ENTREP2: variants seen among roughly 807,000 people sequenced by gnomAD.
ENTREP2 encodes endosomal transmembrane epsin interactor 2.
chr15:29,521,234 A>G, the ENTREP2 span, among the ~76,000 whole-genome samples: 1 of 152,218 alleles, frequency 6.6e-6, no homozygotes. Context: ...CCTGATGTAC[A>G]GAGTTAGTGT....
chr15:29,516,648 A>C, the ENTREP2 span, among the ~76,000 whole-genome samples: 1 of 152,132 alleles, frequency 6.6e-6, no homozygotes, highest in African/African-American at 2.4e-5. Flanking sequence ...CCATGCAGCA[A>C]TTTATTTCAC....
chr15:29,584,540 A>G, the ENTREP2 span, among the ~76,000 whole-genome samples: 2 of 152,228 alleles, frequency 1.3e-5, no homozygotes, highest in African/African-American at 2.4e-5. Flanking sequence ...CACAGAAGAC[A>G]TTATGCTAAA....
chr15:29,259,364 T>C, the ENTREP2 span, among the ~76,000 whole-genome samples: 1 of 152,314 alleles, frequency 6.6e-6, no homozygotes, highest in South Asian at 2.1e-4. Flanking sequence ...TTGAACAAAA[T>C]ATTAACATAG....
At chr15:29,381,817 T>A in the ENTREP2 span, 120 of 1,551,130 alleles carry the variant, frequency 7.7e-5, no homozygotes, top group Non-Finnish European at 8.6e-5. Context: ...CACCTATGAG[T>A]CCCGACAGCA....
the ENTREP2 span, among the ~76,000 whole-genome samples, chr15:29,354,561 G>T: frequency 2.0e-5 from 3 of 152,174 alleles, no homozygotes; most frequent in Admixed American, 2.0e-4. Context: ...TCGGGGGTGG[G>T]AGAGGGCCTG....
chr15:29,490,415 G>A, the ENTREP2 span, among the ~76,000 whole-genome samples: 2 of 152,202 alleles, frequency 1.3e-5, no homozygotes, highest in Admixed American at 6.5e-5. Flanking sequence ...ACAGTTTGCG[G>A]CTGCTGGCTC....
chr15:29,269,475 C>T, the ENTREP2 span: 1 of 1,611,960 alleles, frequency 6.2e-7, no homozygotes, highest in African/African-American at 1.3e-5. Flanking sequence ...TCCTGGGCCC[C>T]ACGGCGGGGG....
At chr15:29,176,753 G>A in the ENTREP2 span, among the ~76,000 whole-genome samples, 7 of 152,166 alleles carry the variant, frequency 4.6e-5, no homozygotes, top group Non-Finnish European at 8.8e-5. Context: ...CCTCCAGGTC[G>A]CCAGGCTTTG....
chr15:29,199,367 T>C, the ENTREP2 span, among the ~76,000 whole-genome samples: 10 of 152,188 alleles, frequency 6.6e-5, no homozygotes, highest in East Asian at 1.7e-3. Context: ...AGAAAAGAGA[T>C]AGAGGAAGTT....
At chr15:29,257,314 C>A in the ENTREP2 span, among the ~76,000 whole-genome samples, 1 of 152,106 alleles carries the variant, frequency 6.6e-6, no homozygotes, top group Non-Finnish European at 1.5e-5. Context: ...CTCAGGTGGT[C>A]CACCCGCCTC....
the ENTREP2 span, among the ~76,000 whole-genome samples, chr15:29,228,940 T>C: frequency 6.6e-6 from 1 of 152,302 alleles, no homozygotes; most frequent in African/African-American, 2.4e-5. Context: ...GACAGTTTAA[T>C]TGGTGAATCT....
chr15:29,538,239 C>T, the ENTREP2 span, among the ~76,000 whole-genome samples: 9 of 152,020 alleles, frequency 5.9e-5, no homozygotes, highest in Admixed American at 4.6e-4. Context: ...TCACTTAGCA[C>T]GGCCTTGTGT....
At chr15:29,161,188 G>A in the ENTREP2 span, among the ~76,000 whole-genome samples, 9 of 152,182 alleles carry the variant, frequency 5.9e-5, no homozygotes, top group African/African-American at 2.2e-4. Flanking sequence ...CTCTTTACCT[G>A]ACCCATTTCC....
chr15:29,237,553 A>G, the ENTREP2 span, among the ~76,000 whole-genome samples: 2 of 152,202 alleles, frequency 1.3e-5, no homozygotes, highest in Non-Finnish European at 2.9e-5. Flanking sequence ...TGATGAGCAC[A>G]TGAAAAGATG....
the ENTREP2 span, among the ~76,000 whole-genome samples, chr15:29,343,628 G>A: frequency 6.6e-6 from 1 of 151,154 alleles, no homozygotes; most frequent in African/African-American, 2.4e-5. Flanking sequence ...TCCTCTCATT[G>A]GTTCTGTTAC....
At chr15:29,130,155 G>A in the ENTREP2 span, among the ~76,000 whole-genome samples, 1 of 152,192 alleles carries the variant, frequency 6.6e-6, no homozygotes, top group African/African-American at 2.4e-5. Flanking sequence ...CCACAGCGTG[G>A]GGCTCGAGAG....
chr15:29,411,248 G>A, the ENTREP2 span, among the ~76,000 whole-genome samples: 39,880 of 152,096 alleles, frequency 0.26, 5,522 homozygotes, highest in Non-Finnish European at 0.3. Flanking sequence ...ATGTGTGCAT[G>A]TTCAGCTATA....
chr15:29,642,378 A>G, the ENTREP2 span, among the ~76,000 whole-genome samples: 1 of 151,568 alleles, frequency 6.6e-6, no homozygotes, highest in Non-Finnish European at 1.5e-5. Flanking sequence ...TGCCAAAACC[A>G]TTCAATAGGG....
At chr15:29,461,342 G>A in the ENTREP2 span, among the ~76,000 whole-genome samples, 1 of 152,060 alleles carries the variant, frequency 6.6e-6, no homozygotes, top group Non-Finnish European at 1.5e-5. Flanking sequence ...GAAAACATGA[G>A]TTGCTTCTCA....
Sources: allele counts gnomAD v4.1 joint callset (sites outside exome capture counted in the v4.1 genomes callset), GRCh38; gene constraint gnomAD v4.1.1; transcripts MANE v1.5; gene names NCBI Gene and HGNC (gene_info 2026-07-23, HGNC 2026-07-21).